PEX14: variants seen among roughly 807,000 people sequenced by gnomAD.
The protein encoded by PEX14 is peroxisomal membrane protein PEX14.
In PEX14, 15 loss-of-function variants were observed where a neutral mutation model predicts 49.5. The ratio of observed to expected loss-of-function variants is 0.30; its 90% confidence interval spans 0.20 to 0.47. The LOEUF (loss-of-function observed/expected upper bound fraction) is 0.47, where lower values mean the gene tolerates loss of function less well. Ranked by LOEUF, PEX14 falls within the 20% of genes least tolerant of loss-of-function variation. The probability of loss-of-function intolerance (pLI) is 1.00; values close to 1 mark genes in which losing one functional copy is unlikely to be tolerated. For missense variants in PEX14, 398 were observed against 494.8 expected (o/e 0.80, Z 1.86); for synonymous variants, 210 against 212.7 (o/e 0.99, Z 0.11).
intron 2 of PEX14, among the ~76,000 whole-genome samples, chr1:10,530,631 G>A (rs1379245813): frequency 2.0e-5 from 3 of 152,182 alleles, no homozygotes; most frequent in Non-Finnish European, 4.4e-5. Flanking sequence ...TTGAATTTTG[G>A]CTGACCGAGC....
At chr1:10,596,753 G>C (rs1404732846) in intron 3 of PEX14, among the ~76,000 whole-genome samples, 5 of 152,198 alleles carry the variant, frequency 3.3e-5, no homozygotes, top group African/African-American at 1.2e-4. Context: ...CAGTGAGATT[G>C]TTAAAACGCT....
At chr1:10,575,311 G>A (rs1290803404) in intron 3 of PEX14, among the ~76,000 whole-genome samples, 1 of 152,150 alleles carries the variant, frequency 6.6e-6, no homozygotes, top group Non-Finnish European at 1.5e-5. Context: ...AAAACGCATA[G>A]TTGAAGATAC....
chr1:10,624,526 T>C, intron 7 of PEX14, 89 bp downstream of exon 7: 1 of 880,166 alleles, frequency 1.1e-6, no homozygotes, highest in Non-Finnish European at 1.9e-6. Context: ...CTTGCCACCT[T>C]CGGGAGCTGG....
At chr1:10,484,365 G>A (rs899175436) in intron 1 of PEX14, among the ~76,000 whole-genome samples, 4 of 151,560 alleles carry the variant, frequency 2.6e-5, no homozygotes, top group African/African-American at 9.8e-5. Context: ...TAGAGATGGG[G>A]TTTCACTGTG....
chr1:10,609,912 A>T (rs1394235426), intron 4 of PEX14, among the ~76,000 whole-genome samples: 1 of 151,800 alleles, frequency 6.6e-6, no homozygotes, highest in African/African-American at 2.4e-5. Flanking sequence ...ATAAAAATAA[A>T]ACATTTTGTA....
At chr1:10,586,647 TTTTTTTTTTTGA>T (rs910584580) in intron 3 of PEX14, among the ~76,000 whole-genome samples, 3 of 127,934 alleles carry the variant, frequency 2.3e-5, no homozygotes, top group African/African-American at 9.4e-5. Context: ...TTTTTTTTTT[TTTTTTTTTTTGA>T]GACGGAGTCT....
Position 10,518,771 on chromosome 1 carries a change from C to T in PEX14, c.85-17442C>T, listed in dbSNP as rs554826892. 7.2e-5 allele frequency among the ~76,000 whole-genome samples: 11 copies of T among 152,270 alleles called. No homozygotes were observed. In the South Asian group the frequency reaches 1.9e-3, roughly 26 times the overall value. On this transcript the variant is annotated intron_variant, in intron 2 of 8. Coordinates refer to ENST00000356607, the MANE Select transcript of PEX14 (RefSeq NM_004565.3). ...GCTTCCTGCGTTCCCAGCCCTTGCC[C>T]GAAATGCTGATTCCGAAGCATCTTT...
rs190481049 is a variant in PEX14, at chr1:10,517,460, G to T, written c.85-18753G>T. On this transcript the variant is annotated intron_variant, in intron 2 of 8. Transcript: ENST00000356607. ...CAGGCTCATTAATTAAAGGAGCCTG[G>T]CTTGAGAGGCCTGTAATTATAGGTG... Among the ~76,000 whole-genome samples, 4 of 152,100 alleles carry T rather than the reference G, an allele frequency of 2.6e-5. No individual in the cohort carries two copies. The East Asian group carries it at 7.7e-4, about 29-fold the overall frequency.
chr1:10,623,262 T>A lies in PEX14; in HGVS notation c.487+141T>A. 1.5e-6 allele frequency: 1 copy of A among 680,130 alleles called. No individual in the cohort carries two copies. The highest frequency in any genetic ancestry group is 2.7e-6 in the Non-Finnish European group (1 of 367,494). The allele number at this position is 680,130 out of a possible 1,614,324, so 42.1% of individuals were successfully genotyped here. A position where few individuals can be genotyped will look rare whatever the true frequency, so the allele number is the denominator to read the frequency against. On this transcript the variant is annotated intron_variant, in intron 6 of 8. Coordinates refer to ENST00000356607, the MANE Select transcript of PEX14 (RefSeq NM_004565.3). This position sits in a 1 kb window ranked among gnomAD's most constrained non-coding sequence, Gnocchi z 4.4. ...CTGAGAATCTGTTCACATTTGCAAA[T>A]GAAGCCGCCGTCATTTCGGTTTAAT... is the stretch of plus-strand genomic sequence containing the variant.
intron 3 of PEX14, among the ~76,000 whole-genome samples, chr1:10,595,880 T>C (rs886739125): frequency 1.3e-5 from 2 of 152,184 alleles, no homozygotes; most frequent in African/African-American, 4.8e-5. Flanking sequence ...TTTTATAATC[T>C]AGCCTGTGCC....
At chr1:10,544,989 C>T (rs1490949451) in intron 3 of PEX14, among the ~76,000 whole-genome samples, 6 of 152,144 alleles carry the variant, frequency 3.9e-5, no homozygotes, top group African/African-American at 1.4e-4. Context: ...TCTCGATCTC[C>T]TGGGCTCAAG....
At chr1:10,607,463 A>C (rs539072783) in intron 4 of PEX14, among the ~76,000 whole-genome samples, 13 of 152,338 alleles carry the variant, frequency 8.5e-5, no homozygotes, top group Non-Finnish European at 1.5e-4. Context: ...AGAAGCTGCT[A>C]AACTGTTTTC....
chr1:10,586,839 C>T (rs1640508108), intron 3 of PEX14, among the ~76,000 whole-genome samples: 1 of 151,716 alleles, frequency 6.6e-6, no homozygotes, highest in Non-Finnish European at 1.5e-5. Flanking sequence ...GACGGGGTTT[C>T]ACCATGTTAG....
chr1:10,495,201 G>A lies in PEX14; in HGVS notation c.37-73G>A, dbSNP rs1411616358. The A allele has an allele frequency of 2.5e-6, 4 of 1,569,090 alleles. No individual in the cohort carries two copies. Among genetic ancestry groups the A allele is most frequent in the African/African-American group, 2.7e-5 (2 of 74,070 alleles). On this transcript the variant is annotated intron_variant, in intron 1 of 8. Transcript: ENST00000356607. The surrounding 1 kb of genome is among the most constrained non-coding windows in gnomAD (Gnocchi z 4.2). ...GTGCCAGCGTGCATCGTTTGAGAAC[G>A]GAACATCTTTGGTTTTTTGATGTCC... is the stretch of plus-strand genomic sequence containing the variant.
Position 10,512,120 on chromosome 1 carries a change from C to T in PEX14, c.84+16799C>T, listed in dbSNP as rs749952614. On this transcript the variant is annotated intron_variant, in intron 2 of 8. Transcript: ENST00000356607. The surrounding 1 kb of genome is among the most constrained non-coding windows in gnomAD (Gnocchi z 4.6). ...GACTACAGGCGCCTGCCCCCACGCT[C>T]GGCTAATTTTGGTATTTTTAGTAGA... is the stretch of plus-strand genomic sequence containing the variant. Among the ~76,000 whole-genome samples, 7 of 152,054 alleles carry T rather than the reference C, an allele frequency of 4.6e-5. No individual in the cohort carries two copies. Among genetic ancestry groups the T allele is most frequent in the Non-Finnish European group, 5.9e-5 (4 of 68,008 alleles).
intron 4 of PEX14, among the ~76,000 whole-genome samples, chr1:10,601,262 CAAAAAAAAAAAAA>C (rs58910333): frequency 3.5e-5 from 2 of 57,032 alleles, no homozygotes; most frequent in Non-Finnish European, 3.9e-5. Context: ...GACTCTGTCT[CAAAAAAAAAAAAA>C]AAAAAAAAAG....
rs1009879912 is a variant in PEX14, at chr1:10,629,518, C to A, written c.678-13C>A. 4 of 1,593,472 alleles carry A rather than the reference C, an allele frequency of 2.5e-6. No individual in the cohort carries two copies. In the African/African-American group the frequency reaches 5.4e-5, roughly 21 times the overall value. On this transcript the variant is annotated splice_polypyrimidine_tract_variant and intron_variant, in intron 8 of 8. Coordinates refer to ENST00000356607, the MANE Select transcript of PEX14 (RefSeq NM_004565.3). This position sits in a 1 kb window ranked among gnomAD's most constrained non-coding sequence, Gnocchi z 8.5. The stretch of plus-strand genomic sequence containing the variant: ...ATGCCGCCACCAACCTCCTCCCCTT[C>A]TTCTCCCTCTAGGAGGCAGTTCCCT...
chr1:10,624,646 G>A (rs889914733), intron 7 of PEX14, among the ~76,000 whole-genome samples: 1 of 152,142 alleles, frequency 6.6e-6, no homozygotes, highest in Admixed American at 6.5e-5. Context: ...TTTAACTGTC[G>A]AGGCCATCCT....
At chr1:10,585,691 G>A (rs1203062269) in intron 3 of PEX14, among the ~76,000 whole-genome samples, 1 of 152,238 alleles carries the variant, frequency 6.6e-6, no homozygotes, top group Non-Finnish European at 1.5e-5. Context: ...AGGCCGAGGT[G>A]AGCAGATCAC....
Sources: gnomAD v4.1 joint callset for allele counts (sites outside exome capture counted in the v4.1 genomes callset) on GRCh38, gnomAD v4.1.1 for gene constraint, Gnocchi (gnomAD v3.1) non-coding constraint, MANE v1.5 for transcripts, NCBI Gene and HGNC (gene_info 2026-07-23, HGNC 2026-07-21) for gene names.